NEK2: variants seen among roughly 807,000 people sequenced by gnomAD.
NEK2 encodes NIMA related kinase 2.
NEK2 carries 28 observed loss-of-function variants against 54.1 expected under a neutral mutation model. That is an observed-to-expected ratio of 0.52 (90% CI 0.38 to 0.71). NEK2 has a LOEUF of 0.71. Ranked by LOEUF, NEK2 falls within the 30% of genes least tolerant of loss-of-function variation. The pLI, the probability that NEK2 is intolerant of heterozygous loss-of-function variation, is 0.00. For synonymous variants in NEK2, 176 were observed against 193.1 expected (o/e 0.91, Z 0.73); for missense variants, 407 against 531.5 (o/e 0.77, Z 2.30).
chr1:211,671,086 A>G (rs2102445122), intron 4 of NEK2, 116 bp downstream of exon 4: 2 of 771,068 alleles, frequency 2.6e-6, no homozygotes, highest in East Asian at 2.5e-5. Flanking sequence ...CCCAGGGTAC[A>G]ATTCTTTCAG....
intron 5 of NEK2, among the ~76,000 whole-genome samples, chr1:211,669,790 A>G (rs1655309195): frequency 6.6e-6 from 1 of 152,132 alleles, no homozygotes; most frequent in Non-Finnish European, 1.5e-5. Flanking sequence ...TCCCCAGAAC[A>G]TCTCCTTCCC....
At chr1:211,671,098 C>T in intron 4 of NEK2, 104 bp downstream of exon 4, 1 of 851,290 alleles carries the variant, frequency 1.2e-6, no homozygotes, top group East Asian at 2.5e-5. Flanking sequence ...TTCTTTCAGA[C>T]TTGAATATAC....
intron 7 of NEK2, among the ~76,000 whole-genome samples, chr1:211,664,236 A>G (rs988768545): frequency 2.0e-5 from 3 of 152,212 alleles, no homozygotes; most frequent in African/African-American, 7.2e-5. Flanking sequence ...TATTCTTTAC[A>G]TGGAAAAAAT....
Position 211,674,487 on chromosome 1 carries a change from A to G in NEK2, c.123T>C (p.Tyr41=). The G allele has an allele frequency of 6.2e-7, 1 of 1,613,102 alleles. No individual in the cohort carries two copies. The highest frequency in any genetic ancestry group is 8.5e-7 in the Non-Finnish European group (1 of 1,179,368). ...GKILVWKELD[Y]GSMTEAEKQM... ...GTTTCTCAGCTTCTGTCATGGAGCC[A>G]TAGTCAAGTTCTTTCCAAACTAATA... Residue 41 remains tyrosine, a synonymous_variant, in exon 2 of 8, where the codon TAT becomes TAC. Transcript: ENST00000366999.
Position 211,667,165 on chromosome 1 carries a change from AG to A in NEK2, c.1051del (p.Leu351CysfsTer2). The A allele has an allele frequency of 6.2e-7, 1 of 1,613,772 alleles. No homozygotes were observed. On this transcript the variant is annotated frameshift_variant, in exon 7 of 8. Transcript: ENST00000366999. LOFTEE classifies it high-confidence loss of function. ...AEDKLARAEN[L>X]LKNYSLLKER... The stretch of plus-strand genomic sequence containing the variant: ...CTTTAGCAAGCTGTAGTTCTTCAAC[AG>A]ATTTTCTGCTCTAGCCAGTTTGTCC...
chr1:211,675,101 A>C (rs962847158), intron 1 of NEK2, among the ~76,000 whole-genome samples: 4 of 152,212 alleles, frequency 2.6e-5, no homozygotes, highest in African/African-American at 9.7e-5. Context: ...CTCAGGAATT[A>C]GTTACCTGTC....
Position 211,670,423 on chromosome 1 carries a change from A to G in NEK2, c.639-16T>C. 1 of 1,595,100 alleles carries G rather than the reference A, an allele frequency of 6.3e-7. No individual in the cohort carries two copies. The highest frequency in any genetic ancestry group is 8.5e-7 in the Non-Finnish European group (1 of 1,174,540). ...AAATGGAGGCCTAGGGTTAAAAAAG[A>G]AGAAGAAGACGACGAAGACATTTTC... On this transcript the variant is annotated splice_polypyrimidine_tract_variant and intron_variant, in intron 4 of 7. Coordinates refer to ENST00000366999, the MANE Select transcript of NEK2 (RefSeq NM_002497.4).
intron 1 of NEK2, 56 bp from the exon 2 acceptor site, chr1:211,674,569 T>G: frequency 7.5e-7 from 1 of 1,329,608 alleles, no homozygotes. Context: ...AAACAAAGAA[T>G]GAAAGTTCCA....
downstream of NEK2, chr1:211,661,114 C>T: frequency 1.3e-6 from 1 of 747,638 alleles, no homozygotes; most frequent in Non-Finnish European, 2.5e-6. Flanking sequence ...TCCAGGACCT[C>T]CTTGAGCTGG....
At position 211,670,336 on chromosome 1, in the gene NEK2, G is replaced by A. The variant is rs1238153644; in HGVS notation, c.710C>T (p.Pro237Leu). The change falls in exon 5 of 8, where the codon CCA becomes CTA. Residue 237 changes from proline to leucine, a missense_variant. Coordinates refer to ENST00000366999, the MANE Select transcript of NEK2 (RefSeq NM_002497.4). ...ATTCAATTCATCAGAGTAACGGTAT[G>A]GAATTCGCCTGAATTTGCCTTCTCT... ...KIREGKFRRI[P>L]YRYSDELNEI... The A allele has an allele frequency of 2.5e-6, 4 of 1,612,902 alleles. No individual in the cohort carries two copies. The highest frequency in any genetic ancestry group is 1.7e-5 in the Admixed American group (1 of 59,972).
In NEK2 at chr1:211,674,482, G is replaced by C; in HGVS notation, c.128C>G (p.Ser43Cys). The part of the protein sequence containing the change: ...ILVWKELDYG[S>C]MTEAEKQMLV... The stretch of plus-strand genomic sequence containing the variant: ...CATCTGTTTCTCAGCTTCTGTCATG[G>C]AGCCATAGTCAAGTTCTTTCCAAAC... Residue 43 changes from serine (S) to cysteine (C), a missense_variant, in exon 2 of 8, where the codon TCC becomes TGC. Transcript: ENST00000366999. 6.2e-7 allele frequency: 1 copy of C among 1,613,470 alleles called. No individual in the cohort carries two copies. Among genetic ancestry groups the C allele is most frequent in the South Asian group, 1.1e-5 (1 of 90,968 alleles).
intron 1 of NEK2, among the ~76,000 whole-genome samples, 177 bp downstream of exon 1, chr1:211,675,207 T>C (rs1261669840): frequency 6.6e-6 from 1 of 152,102 alleles, no homozygotes; most frequent in Non-Finnish European, 1.5e-5. Flanking sequence ...AAAGAAGCGG[T>C]CTCCCATCCT....
chr1:211,674,443 A>G lies in NEK2; in HGVS notation c.167T>C (p.Val56Ala). 1.2e-6 allele frequency: 2 copies of G among 1,614,146 alleles called. No homozygotes were observed. The highest frequency in any genetic ancestry group is 1.7e-6 in the Non-Finnish European group (2 of 1,180,004). ...ATGTTTCAGTTCACGAAGCAAATTC[A>G]CTTCAGAAACAAGCATCTGTTTCTC... ...EAEKQMLVSE[V>A]NLLRELKHPN... is the part of the protein sequence containing the mutation. Residue 56 changes from valine (V) to alanine (A), a missense_variant, in exon 2 of 8, where the codon GTG becomes GCG. Val to Ala is a moderately conservative substitution (Grantham distance 64). Transcript: ENST00000366999.
rs780548587 is a variant in NEK2, at chr1:211,673,472, G to A, written c.555+11C>T. On this transcript the variant is annotated intron_variant, in intron 3 of 7. Coordinates refer to ENST00000366999, the MANE Select transcript of NEK2 (RefSeq NM_002497.4). ...ATGTTTTAAAAAGTAGCTAAATTCTGAAATACTTACAGGAGACATGTAATA... is the reference window on the plus strand; with the variant it reads ...ATGTTTTAAAAAGTAGCTAAATTCTAAAATACTTACAGGAGACATGTAATA... 8.7e-6 allele frequency: 14 copies of A among 1,608,750 alleles called. No homozygotes were observed. Among genetic ancestry groups the A allele is most frequent in the African/African-American group, 1.3e-5 (1 of 74,796 alleles).
downstream of NEK2, chr1:211,661,265 G>GC (rs1407650602): frequency 7.7e-6 from 5 of 647,204 alleles, no homozygotes; most frequent in African/African-American, 9.0e-5. Context: ...TGAGGGAGGA[G>GC]CAAAGGGCTC....
rs145431505 is a variant in NEK2, at chr1:211,666,343, A to G, written c.1111+763T>C. 4.3e-4 allele frequency: 87 copies of G among 200,734 alleles called. 1 individual carries two copies. The Middle Eastern group carries it at 0.01, about 23-fold the overall frequency. The allele number at this position is 200,734 out of a possible 1,614,324, so 12.4% of individuals were successfully genotyped here. On this transcript the variant is annotated intron_variant, in intron 7 of 7. Coordinates refer to ENST00000366999, the MANE Select transcript of NEK2 (RefSeq NM_002497.4). ...CTTGAAAGGGTGTTAGCAAAGATCC[A>G]AACGTGACAGCCTATTCTGCAGGTG...
At chr1:211,672,917 G>A (rs764783546) in intron 3 of NEK2, among the ~76,000 whole-genome samples, 3 of 151,886 alleles carry the variant, frequency 2.0e-5, no homozygotes, top group African/African-American at 4.8e-5. Flanking sequence ...GACAAACGGC[G>A]CAAACCTTAG....
At chr1:211,660,668 C>T, downstream of NEK2, 1 of 662,130 alleles carries the variant, frequency 1.5e-6, no homozygotes, top group Non-Finnish European at 2.9e-6. Context: ...TTGTACTTGA[C>T]AATTTGTAAT....
In NEK2 at chr1:211,669,235, C is replaced by T. The variant is rs181112920; in HGVS notation, c.863G>A (p.Arg288Gln). The change falls in exon 6 of 8, where the codon CGA (arginine) becomes CAA (glutamine). Residue 288 changes from arginine (R) to glutamine (Q), a missense_variant. By Grantham distance (43) the Arg-to-Gln change is conservative. Transcript: ENST00000366999. ...CGATTTTTCTGGCTCTCCTAATTGT[C>T]GCCCTCTTCTCTCAAGATTTCTTCT... ...EQRRNLERRG[R>Q]QLGEPEKSQD... 3.4e-4 allele frequency: 554 copies of T among 1,614,060 alleles called. 5 individuals carry two copies. The Admixed American group carries it at 8.9e-3, about 26-fold the overall frequency.
Sources: allele counts gnomAD v4.1 joint callset (sites outside exome capture counted in the v4.1 genomes callset), GRCh38; gene constraint gnomAD v4.1.1; transcripts MANE v1.5; gene names NCBI Gene and HGNC (gene_info 2026-07-23, HGNC 2026-07-21).